SCHIP1: variants seen among roughly 807,000 people sequenced by gnomAD.
The protein encoded by SCHIP1 is schwannomin-interacting protein 1.
SCHIP1 carries 8 observed loss-of-function variants against 29.7 expected under a neutral mutation model. The observed-to-expected ratio is 0.27, with a 90% confidence interval of 0.16 to 0.49. The LOEUF is 0.49. Among genes scored for constraint, SCHIP1 ranks in the 20% least tolerant of loss-of-function variants. The pLI, the probability that SCHIP1 is intolerant of heterozygous loss-of-function variation, is 0.99. For synonymous variants in SCHIP1, 76 were observed against 94.9 expected, an observed-to-expected ratio of 0.80 and a Z score of 1.16; for missense variants, 193 against 294.6, an observed-to-expected ratio of 0.66 and a Z score of 2.52.
the SCHIP1 span, among the ~76,000 whole-genome samples, chr3:159,571,347 T>C: frequency 1.2e-4 from 19 of 152,240 alleles, no homozygotes; most frequent in African/African-American, 4.6e-4. Flanking sequence ...GAAGATCTGT[T>C]GAATTTTGTC....
chr3:159,550,459 C>G, the SCHIP1 span, among the ~76,000 whole-genome samples: 2 of 151,932 alleles, frequency 1.3e-5, no homozygotes, highest in African/African-American at 4.8e-5. Context: ...GTATAAAATA[C>G]TCCTCTTTAT....
chr3:159,868,499 G>T (rs1714900551), intron 2 of SCHIP1, among the ~76,000 whole-genome samples: 1 of 151,972 alleles, frequency 6.6e-6, no homozygotes, highest in Non-Finnish European at 1.5e-5. Flanking sequence ...TTAAGATTAT[G>T]CATTATTCAT....
chr3:159,553,694 A>T, the SCHIP1 span, among the ~76,000 whole-genome samples: 1 of 152,142 alleles, frequency 6.6e-6, no homozygotes, highest in Non-Finnish European at 1.5e-5. Flanking sequence ...CACTGCAACC[A>T]CAAATTTGGG....
the SCHIP1 span, among the ~76,000 whole-genome samples, chr3:159,585,890 A>T: frequency 1.3e-5 from 2 of 152,118 alleles, no homozygotes; most frequent in East Asian, 1.9e-4. Flanking sequence ...CTGGAAAAAA[A>T]TTTTTAAAGG....
At chr3:159,400,422 C>G in the SCHIP1 span, among the ~76,000 whole-genome samples, 1 of 152,180 alleles carries the variant, frequency 6.6e-6, no homozygotes, top group South Asian at 2.1e-4. Context: ...AATTCAGTGC[C>G]TGTTACATGC....
intron 6 of SCHIP1, chr3:159,893,470 A>G (rs1717744475): frequency 6.6e-6 from 1 of 152,222 alleles, no homozygotes; most frequent in Admixed American, 6.5e-5. Flanking sequence ...TGTTAAGATT[A>G]TGGGAAATCG....
At chr3:159,793,866 T>G in the SCHIP1 span, among the ~76,000 whole-genome samples, 4 of 152,328 alleles carry the variant, frequency 2.6e-5, no homozygotes, top group Non-Finnish European at 4.4e-5. Context: ...CCTGTTTTCT[T>G]GCCTTTTCCA....
chr3:159,332,145 T>A, the SCHIP1 span, among the ~76,000 whole-genome samples: 2 of 152,204 alleles, frequency 1.3e-5, no homozygotes, highest in African/African-American at 4.8e-5. Flanking sequence ...TCAACTCAGC[T>A]GTTAAGTTCT....
chr3:159,885,125 A>G (rs147268830), intron 2 of SCHIP1, among the ~76,000 whole-genome samples: 43 of 152,320 alleles, frequency 2.8e-4, no homozygotes, highest in African/African-American at 1.0e-3. Context: ...CATTCCTACC[A>G]TTGGAATTGA....
At chr3:159,681,632 A>G in the SCHIP1 span, among the ~76,000 whole-genome samples, 88 of 152,356 alleles carry the variant, frequency 5.8e-4, 1 homozygote, top group Middle Eastern at 6.8e-3. Flanking sequence ...ATAATAGTCC[A>G]TGGAGTCACT....
chr3:159,671,695 T>C, the SCHIP1 span, among the ~76,000 whole-genome samples: 4 of 152,158 alleles, frequency 2.6e-5, no homozygotes, highest in Non-Finnish European at 4.4e-5. Context: ...ATTCTTTAAT[T>C]TCTCCCCCTA....
chr3:159,505,722 T>C, the SCHIP1 span, among the ~76,000 whole-genome samples: 4 of 151,976 alleles, frequency 2.6e-5, no homozygotes, highest in Admixed American at 1.3e-4. Context: ...ACATGAGGTG[T>C]TTGGTTTTTA....
the SCHIP1 span, among the ~76,000 whole-genome samples, chr3:159,372,846 T>G: frequency 1.3e-5 from 2 of 152,108 alleles, 1 homozygote; most frequent in Admixed American, 1.3e-4. Context: ...AATTACATGT[T>G]GTTTACAGCT....
the SCHIP1 span, among the ~76,000 whole-genome samples, chr3:159,446,223 AACAC>A: frequency 6.6e-6 from 1 of 151,314 alleles, no homozygotes; most frequent in African/African-American, 2.4e-5. Flanking sequence ...CATACATGCA[AACAC>A]ACACACACAC....
chr3:159,341,306 T>A, the SCHIP1 span, among the ~76,000 whole-genome samples: 1 of 152,176 alleles, frequency 6.6e-6, no homozygotes, highest in Admixed American at 6.5e-5. Flanking sequence ...AGAGTGCCTC[T>A]CTCAACTCCC....
At chr3:159,289,406 CTTAT>C in the SCHIP1 span, among the ~76,000 whole-genome samples, 111,849 of 150,100 alleles carry the variant, frequency 0.75, 42,539 homozygotes, top group African/African-American at 0.87. Flanking sequence ...ACATAAAGCT[CTTAT>C]TTATTTATTT....
the SCHIP1 span, among the ~76,000 whole-genome samples, chr3:159,672,407 G>T: frequency 6.6e-6 from 1 of 152,208 alleles, no homozygotes; most frequent in Non-Finnish European, 1.5e-5. Context: ...CTTCACATGG[G>T]TGCTGCTATT....
chr3:159,273,720 CT>C, the SCHIP1 span: 1 of 1,535,582 alleles, frequency 6.5e-7, no homozygotes, highest in South Asian at 1.2e-5. Flanking sequence ...TTTAGACAAC[CT>C]TACTAGCTAA....
At chr3:159,521,194 A>G in the SCHIP1 span, among the ~76,000 whole-genome samples, 3 of 152,204 alleles carry the variant, frequency 2.0e-5, no homozygotes, top group Non-Finnish European at 4.4e-5. Flanking sequence ...TCTTCCTTGG[A>G]CATGTATAGT....
Sources: gnomAD v4.1 joint callset for allele counts (sites outside exome capture counted in the v4.1 genomes callset) on GRCh38, gnomAD v4.1.1 for gene constraint, MANE v1.5 for transcripts, NCBI Gene and HGNC (gene_info 2026-07-23, HGNC 2026-07-21) for gene names.